Variants in SYNE2 observed in about 807,000 individuals in gnomAD.
The protein encoded by SYNE2 is spectrin repeat containing nuclear envelope protein 2.
In SYNE2, 431 loss-of-function variants were observed where a neutral mutation model predicts 856.3. The ratio of observed to expected loss-of-function variants is 0.50; its 90% CI spans 0.47 to 0.55. The LOEUF (loss-of-function observed/expected upper bound fraction) is 0.55, where lower values mean the gene tolerates loss of function less well. Ranked by LOEUF, SYNE2 falls within the 20% of genes least tolerant of loss-of-function variation. The probability of loss-of-function intolerance (pLI) is 0.00; values close to 1 mark genes in which losing one functional copy is unlikely to be tolerated. For synonymous variants in SYNE2, 2,923 were observed against 2,872.3 expected (o/e 1.02, Z -0.56); for missense variants, 8,129 against 8,023.2 (o/e 1.01, Z -0.50).
At chr14:63,887,560 C>G (rs984093290) in intron 1 of SYNE2, among the ~76,000 whole-genome samples, 39 of 152,158 alleles carry the variant, frequency 2.6e-4, no homozygotes, top group Admixed American at 2.6e-3. Flanking sequence ...CCTGGCCTTA[C>G]TGACATTGCC....
At chr14:63,826,272 G>A (rs1176712655) in intron 1 of SYNE2, among the ~76,000 whole-genome samples, 2 of 101,422 alleles carry the variant, frequency 2.0e-5, no homozygotes, top group East Asian at 4.7e-4. Flanking sequence ...TTTTTGACAA[G>A]CATGCCAAAA....
intron 89 of SYNE2, among the ~76,000 whole-genome samples, chr14:64,164,506 C>T (rs2098358947): frequency 6.6e-6 from 1 of 152,168 alleles, no homozygotes; most frequent in African/African-American, 2.4e-5. Context: ...ACCTTGGCCT[C>T]CCAAAGTGCT....
chr14:63,840,638 A>G (rs1890034813), intron 1 of SYNE2, among the ~76,000 whole-genome samples: 1 of 151,748 alleles, frequency 6.6e-6, no homozygotes, highest in African/African-American at 2.4e-5. Flanking sequence ...CCAATTTTAA[A>G]TGTCTCTGCC....
chr14:64,019,542 A>G (rs755521041), intron 34 of SYNE2, among the ~76,000 whole-genome samples: 5 of 152,176 alleles, frequency 3.3e-5, no homozygotes, highest in Non-Finnish European at 7.3e-5. Flanking sequence ...ATCATTTCTA[A>G]GAGTCCTTTA....
chr14:63,888,341 C>T (rs1476261070), intron 1 of SYNE2, among the ~76,000 whole-genome samples: 2 of 152,156 alleles, frequency 1.3e-5, no homozygotes, highest in African/African-American at 4.8e-5. Flanking sequence ...CACCGTCCTT[C>T]ACTGGCTAGC....
chr14:63,928,488 G>A (rs1387776750), intron 2 of SYNE2, among the ~76,000 whole-genome samples: 4 of 152,178 alleles, frequency 2.6e-5, no homozygotes, highest in Admixed American at 6.5e-5. Flanking sequence ...GTTTCTTACT[G>A]TTTGTCTGTT....
At chr14:63,878,735 G>A (rs950778822) in intron 1 of SYNE2, among the ~76,000 whole-genome samples, 1 of 151,994 alleles carries the variant, frequency 6.6e-6, no homozygotes, top group Non-Finnish European at 1.5e-5. Context: ...TAGAGATGAG[G>A]TTTCATCATG....
chr14:63,839,580 A>G (rs569559073), intron 1 of SYNE2, among the ~76,000 whole-genome samples: 1 of 152,286 alleles, frequency 6.6e-6, no homozygotes, highest in East Asian at 1.9e-4. Flanking sequence ...CTGTAATCCC[A>G]GCTACTTGAG....
chr14:63,822,797 A>T (rs1372678285), intron 1 of SYNE2, among the ~76,000 whole-genome samples: 1 of 152,212 alleles, frequency 6.6e-6, no homozygotes, highest in Non-Finnish European at 1.5e-5. Context: ...ATAACGGTAG[A>T]CACCTATATT....
At chr14:64,148,976 CT>C (rs59999990) in intron 84 of SYNE2, among the ~76,000 whole-genome samples, 4,614 of 141,498 alleles carry the variant, frequency 0.033, 193 homozygotes, top group African/African-American at 0.097. Context: ...GTTAATTTCT[CT>C]TTTTTTTTTT....
intron 45 of SYNE2, among the ~76,000 whole-genome samples, chr14:64,042,193 C>T (rs1468504935): frequency 6.6e-6 from 1 of 152,120 alleles, no homozygotes; most frequent in Admixed American, 6.5e-5. Context: ...ACCTCCAAAC[C>T]TACTGCTGAG....
chr14:63,958,584 T>C (rs2096269705), intron 8 of SYNE2, among the ~76,000 whole-genome samples: 1 of 152,224 alleles, frequency 6.6e-6, no homozygotes. Context: ...ATCACCTGGC[T>C]GAGCTAGTGC....
chr14:64,010,219 A>T, intron 32 of SYNE2, 103 bp downstream of exon 32: 1 of 1,286,800 alleles, frequency 7.8e-7, no homozygotes, highest in South Asian at 1.3e-5. Flanking sequence ...CTTCGTTTAA[A>T]AGAAGTTACT....
chr14:64,003,495 TTTG>T (rs2096770829), intron 30 of SYNE2, among the ~76,000 whole-genome samples, 165 bp downstream of exon 30: 3 of 152,248 alleles, frequency 2.0e-5, no homozygotes, highest in Admixed American at 6.5e-5. Context: ...AAACTTCCTT[TTTG>T]TTGGTATTGT....
At chr14:63,915,108 G>C (rs928308217) in intron 2 of SYNE2, among the ~76,000 whole-genome samples, 1 of 152,282 alleles carries the variant, frequency 6.6e-6, no homozygotes, top group East Asian at 1.9e-4. Flanking sequence ...AGGCAAGATA[G>C]CATCAAATAT....
chr14:63,907,829 T>G (rs1287882321), intron 1 of SYNE2, among the ~76,000 whole-genome samples: 1 of 152,198 alleles, frequency 6.6e-6, no homozygotes, highest in Non-Finnish European at 1.5e-5. Context: ...TTCTTTTTGG[T>G]TAGAATCTCT....
intron 10 of SYNE2, 70 bp from the exon 11 acceptor site, chr14:63,967,639 A>C (rs1346639728): frequency 2.0e-6 from 3 of 1,524,014 alleles, no homozygotes; most frequent in African/African-American, 2.8e-5. Context: ...TATAGACCTC[A>C]AAATAACAGA....
At chr14:64,037,218 A>G (rs1393203064) in intron 45 of SYNE2, among the ~76,000 whole-genome samples, 2 of 151,462 alleles carry the variant, frequency 1.3e-5, no homozygotes, top group African/African-American at 4.9e-5. Flanking sequence ...AGTGGAGGGA[A>G]GGTCAGCAGA....
At chr14:64,010,917 G>A (rs2153518029) in intron 32 of SYNE2, among the ~76,000 whole-genome samples, 1 of 152,326 alleles carries the variant, frequency 6.6e-6, no homozygotes, top group South Asian at 2.1e-4. Context: ...GGGTTTATAG[G>A]CATGAGTCAC....
Sources: allele counts gnomAD v4.1 joint callset (sites outside exome capture counted in the v4.1 genomes callset), GRCh38; gene constraint gnomAD v4.1.1; transcripts MANE v1.5; gene names NCBI Gene and HGNC (gene_info 2026-07-23, HGNC 2026-07-21).